SLC30A4: variants seen among roughly 807,000 people sequenced by gnomAD.
SLC30A4 encodes solute carrier family 30 member 4, also known as probable proton-coupled zinc antiporter SLC30A4.
SLC30A4 carries 20 observed loss-of-function variants against 41.7 expected under a neutral mutation model. The ratio of observed to expected loss-of-function variants is 0.48; its 90% CI spans 0.34 to 0.70. The LOEUF is 0.70. Among genes scored for constraint, SLC30A4 ranks in the 30% least tolerant of loss-of-function variants. The pLI is 0.01. For synonymous variants in SLC30A4, 181 were observed against 195.9 expected (o/e 0.92, Z 0.64); for missense variants, 441 against 529.3 (o/e 0.83, Z 1.64).
chr15:45,514,876 G>A (rs2140856239), intron 2 of SLC30A4, among the ~76,000 whole-genome samples: 2 of 152,062 alleles, frequency 1.3e-5, no homozygotes, highest in East Asian at 3.9e-4. Flanking sequence ...CTGTGAGAGA[G>A]TACCTTAATT....
chr15:45,491,684 G>C lies in SLC30A4; in HGVS notation c.539-803C>G, dbSNP rs80339721. Among the ~76,000 whole-genome samples the C allele has an allele frequency of 4.6e-3, 706 of 152,190 alleles. 6 individuals carry two copies. Among genetic ancestry groups the C allele is most frequent in the African/African-American group, 0.016 (685 of 41,528 alleles). On this transcript the variant is annotated intron_variant, in intron 3 of 7. Coordinates refer to ENST00000261867, the MANE Select transcript of SLC30A4 (RefSeq NM_013309.6). ...ATTATCAAGCTCATGAACTACAAGA[G>C]GATCAAGACTCTATCTCTAAAAAAC...
rs1438068403 is a variant in SLC30A4, at chr15:45,482,005, G to A, written c.*3158C>T. On this transcript the variant is annotated 3_prime_UTR_variant, in exon 8 of 8. Transcript: ENST00000261867. ...GGAGCCCGAGGTGGAAGGATTTCTT[G>A]AGCCCAGGAGCTCAAGACCAGCCTG... 7.4e-6 allele frequency: 1 copy of A among 134,972 alleles called. No individual in the cohort carries two copies. The highest frequency in any genetic ancestry group is 1.5e-5 in the Non-Finnish European group (1 of 65,202). 8.4% of individuals were successfully genotyped at this position (134,972 alleles called of 1,614,324 possible). A position where few individuals can be genotyped will look rare whatever the true frequency, so the allele number is the denominator to read the frequency against.
At chr15:45,519,694 A>G (rs1892605224) in intron 2 of SLC30A4, 1 of 152,246 alleles carries the variant, frequency 6.6e-6, no homozygotes, top group Admixed American at 6.5e-5. Context: ...TCATAAAACA[A>G]CATTTACCAA....
intron 3 of SLC30A4, 59 bp from the exon 4 acceptor site, chr15:45,490,940 C>A: frequency 2.7e-6 from 3 of 1,126,988 alleles, no homozygotes; most frequent in Non-Finnish European, 2.5e-6. Flanking sequence ...CACTTCATAC[C>A]AACTAAATAT....
In SLC30A4 at chr15:45,484,941, A is replaced by G; in HGVS notation, c.*222T>C. The G allele has an allele frequency of 5.8e-6, 3 of 515,140 alleles. No homozygotes were observed. In the South Asian group the frequency reaches 8.5e-5, roughly 15 times the overall value. 31.9% of individuals were successfully genotyped at this position (515,140 alleles called of 1,614,324 possible). ...CTGTAGAGTCACATCTCATTCTGTA[A>G]ACAGTGTTTGGGAAACATCTTCATC... is the stretch of plus-strand genomic sequence containing the variant. On this transcript the variant is annotated 3_prime_UTR_variant, in exon 8 of 8. Coordinates refer to ENST00000261867, the MANE Select transcript of SLC30A4 (RefSeq NM_013309.6).
intron 4 of SLC30A4, among the ~76,000 whole-genome samples, chr15:45,490,123 G>T (rs1176989385): frequency 2.0e-5 from 3 of 152,074 alleles, no homozygotes; most frequent in Non-Finnish European, 4.4e-5. Context: ...ACAGGGTTTT[G>T]CTCTGTTGCC....
chr15:45,496,515 G>A (rs1241203034), intron 3 of SLC30A4, among the ~76,000 whole-genome samples: 3 of 151,978 alleles, frequency 2.0e-5, no homozygotes, highest in Non-Finnish European at 2.9e-5. Context: ...TTAAAATTCT[G>A]GATTTCTGTG....
chr15:45,522,044 ATCTC>A lies in SLC30A4; in HGVS notation c.307_310del (p.Glu103TyrfsTer2). 6 of 1,613,672 alleles carry A rather than the reference ATCTC, an allele frequency of 3.7e-6. No individual in the cohort carries two copies. The highest frequency in any genetic ancestry group is 4.2e-6 in the Non-Finnish European group (5 of 1,179,610). On this transcript the variant is annotated frameshift_variant, in exon 2 of 8. Transcript: ENST00000261867. LOFTEE classifies it high-confidence loss of function. ...GGCTTTCACCTTTCTCTGCTTCAGT[ATCTC>A]TCTCTGTTTGCTGCAGTTGTCACAG...
chr15:45,499,356 A>G (rs1450621816), intron 3 of SLC30A4, among the ~76,000 whole-genome samples: 1 of 151,996 alleles, frequency 6.6e-6, no homozygotes, highest in Non-Finnish European at 1.5e-5. Context: ...ACAGGAGTGA[A>G]CCACTGTGTC....
intron 2 of SLC30A4, among the ~76,000 whole-genome samples, chr15:45,520,461 G>C (rs562911522): frequency 1.6e-4 from 25 of 152,164 alleles, no homozygotes; most frequent in African/African-American, 6.0e-4. Flanking sequence ...TTTTAGTAGA[G>C]ACAAGGTTTC....
rs1299521212 is a variant in SLC30A4 at position 45,483,944 on chromosome 15, A to C, written c.*1219T>G. ...TACATTTCTGTTTTCTCAAAGTAAT[A>C]TCTTCCCCCAACCCCTTGGACATTT... On this transcript the variant is annotated 3_prime_UTR_variant, in exon 8 of 8. Transcript: ENST00000261867. 1 of 152,260 alleles carries C rather than the reference A, an allele frequency of 6.6e-6. No individual in the cohort carries two copies. Among genetic ancestry groups the C allele is most frequent in the African/African-American group, 2.4e-5 (1 of 41,458 alleles). 9.4% of individuals were successfully genotyped at this position (152,260 alleles called of 1,614,324 possible).
intron 3 of SLC30A4, among the ~76,000 whole-genome samples, chr15:45,494,536 T>A (rs1891872226): frequency 6.6e-6 from 1 of 151,824 alleles, no homozygotes; most frequent in South Asian, 2.1e-4. Flanking sequence ...AGTACAAAAA[T>A]TAGCTGGGCA....
In SLC30A4 at chr15:45,483,707, A is replaced by C. The variant is rs1001899086; in HGVS notation, c.*1456T>G. The C allele has an allele frequency of 6.6e-6, 1 of 152,258 alleles. No individual in the cohort carries two copies. Among genetic ancestry groups the C allele is most frequent in the African/African-American group, 2.4e-5 (1 of 41,436 alleles). The allele number at this position is 152,258 out of a possible 1,614,324, so 9.4% of individuals were successfully genotyped here. A position where few individuals can be genotyped will look rare whatever the true frequency, so the allele number is the denominator to read the frequency against. On this transcript the variant is annotated 3_prime_UTR_variant, in exon 8 of 8. Transcript: ENST00000261867. ...GCCAATGTGGCAAAACCCTGTCTCT[A>C]CTAAAAATACAAAAAAATGAGCTGG... is the stretch of plus-strand genomic sequence containing the variant.
At chr15:45,506,202 G>C (rs1892153403) in intron 3 of SLC30A4, among the ~76,000 whole-genome samples, 1 of 152,144 alleles carries the variant, frequency 6.6e-6, no homozygotes, top group Non-Finnish European at 1.5e-5. Context: ...CTGGACAACG[G>C]AGTGAGACCC....
At chr15:45,493,686 C>T (rs1170803708) in intron 3 of SLC30A4, among the ~76,000 whole-genome samples, 8 of 152,012 alleles carry the variant, frequency 5.3e-5, no homozygotes, top group Non-Finnish European at 8.8e-5. Context: ...ATTAGCTGGG[C>T]GTGGTGGCGG....
Position 45,484,261 on chromosome 15 carries a change from G to A in SLC30A4, c.*902C>T, listed in dbSNP as rs187910063. On this transcript the variant is annotated 3_prime_UTR_variant, in exon 8 of 8. Transcript: ENST00000261867. ...ACAAATTGTTGGCAGTTCTTAAAGG[G>A]ACAGAAGATTACTGTTTACATTTTG... 1 of 152,242 alleles carries A rather than the reference G, an allele frequency of 6.6e-6. No homozygotes were observed. Among genetic ancestry groups the A allele is most frequent in the Admixed American group, 6.5e-5 (1 of 15,270 alleles). 9.4% of individuals were successfully genotyped at this position (152,242 alleles called of 1,614,324 possible).
At chr15:45,505,604 C>T (rs914971444) in intron 3 of SLC30A4, among the ~76,000 whole-genome samples, 1 of 152,146 alleles carries the variant, frequency 6.6e-6, no homozygotes, top group African/African-American at 2.4e-5. Flanking sequence ...CATTTTCAAA[C>T]CAGAAGCTTC....
chr15:45,482,338 GAGCCTGGGAGGC>G lies in SLC30A4; in HGVS notation c.*2813_*2824del, dbSNP rs1341134805. The G allele has an allele frequency of 6.6e-6, 1 of 151,862 alleles. No homozygotes were observed. The highest frequency in any genetic ancestry group is 2.4e-5 in the African/African-American group (1 of 41,358). The allele number at this position is 151,862 out of a possible 1,614,324, so 9.4% of individuals were successfully genotyped here. On this transcript the variant is annotated 3_prime_UTR_variant, in exon 8 of 8. Transcript: ENST00000261867. ...GGAGGCTGAGATGGGAGGACCACTT[GAGCCTGGGAGGC>G]AGAGGCTGCAGTGAGCCCAACTGTG...
intron 3 of SLC30A4, among the ~76,000 whole-genome samples, chr15:45,506,391 T>C (rs1892157214): frequency 6.6e-6 from 1 of 152,162 alleles, no homozygotes; most frequent in Admixed American, 6.5e-5. Context: ...ATTCCCTCTG[T>C]GAAGTTTTCA....
Sources: gnomAD v4.1 joint callset for allele counts (sites outside exome capture counted in the v4.1 genomes callset) on GRCh38, gnomAD v4.1.1 for gene constraint, MANE v1.5 for transcripts, NCBI Gene and HGNC (gene_info 2026-07-23, HGNC 2026-07-21) for gene names.